The following NPEPPS variants were observed in gnomAD, a reference collection of about 807,000 sequenced individuals.
NPEPPS encodes the protein puromycin-sensitive aminopeptidase.
In NPEPPS, 14 loss-of-function variants were observed where a neutral mutation model predicts 115.5. The observed-to-expected ratio is 0.12, with a 90% confidence interval of 0.08 to 0.19. The LOEUF (loss-of-function observed/expected upper bound fraction) is 0.19. NPEPPS is among the 10% of genes least tolerant of loss of function. The probability of loss-of-function intolerance (pLI) is 1.00; values close to 1 mark genes in which losing one functional copy is unlikely to be tolerated. For synonymous variants in NPEPPS, 285 were observed against 390.6 expected (o/e 0.73, Z 3.19); for missense variants, 523 against 1,110.8 (o/e 0.47, Z 7.52).
At chr17:47,573,326 T>TA (rs1403408592) in intron 3 of NPEPPS, among the ~76,000 whole-genome samples, 1 of 152,176 alleles carries the variant, frequency 6.6e-6, no homozygotes, top group Non-Finnish European at 1.5e-5. Context: ...GTCCTAGACT[T>TA]ACCATTAGGA....
At chr17:47,571,719 AAAAAC>A (rs1271517118) in intron 3 of NPEPPS, among the ~76,000 whole-genome samples, 8 of 152,170 alleles carry the variant, frequency 5.3e-5, no homozygotes, top group African/African-American at 1.7e-4. Context: ...CTCCGTCCCA[AAAAAC>A]AAAACAAAAC....
At chr17:47,613,787 C>T (rs1420776006) in intron 19 of NPEPPS, 62 bp downstream of exon 19, 1 of 1,209,598 alleles carries the variant, frequency 8.3e-7, no homozygotes, top group African/African-American at 1.5e-5. Flanking sequence ...ACACAGTAAA[C>T]CTCTAAATGG....
chr17:47,606,300 T>C (rs1913512761), intron 17 of NPEPPS, among the ~76,000 whole-genome samples: 1 of 152,196 alleles, frequency 6.6e-6, no homozygotes. Context: ...CTCTTTTTGC[T>C]CTCATTTAAA....
intron 2 of NPEPPS, chr17:47,557,614 C>T (rs1910135963): frequency 6.7e-6 from 1 of 148,642 alleles, no homozygotes; most frequent in African/African-American, 2.4e-5. Flanking sequence ...AAATTTTAAT[C>T]CTAAAAATGT....
At chr17:47,603,876 A>T in intron 15 of NPEPPS, 39 bp from the exon 16 acceptor site, 2 of 1,551,164 alleles carry the variant, frequency 1.3e-6, no homozygotes, top group Non-Finnish European at 1.7e-6. Context: ...TAAAAAATTA[A>T]TGGAGCTGTT....
At chr17:47,588,748 G>C (rs1272427869) in intron 9 of NPEPPS, among the ~76,000 whole-genome samples, 6 of 152,008 alleles carry the variant, frequency 3.9e-5, no homozygotes, top group Non-Finnish European at 8.8e-5. Context: ...ATTTTAGTAG[G>C]GGAAATGTGT....
intron 6 of NPEPPS, 70 bp downstream of exon 6, chr17:47,585,770 A>C (rs1912141190): frequency 2.8e-6 from 3 of 1,087,270 alleles, no homozygotes; most frequent in Admixed American, 1.7e-5. Context: ...ATTTCTGGTC[A>C]ATTATTAGTA....
intron 17 of NPEPPS, among the ~76,000 whole-genome samples, chr17:47,610,240 A>T (rs1019139157): frequency 7.0e-6 from 1 of 143,178 alleles, no homozygotes; most frequent in Non-Finnish European, 1.5e-5. Context: ...CCACAAATTT[A>T]CTTTCTATTT....
chr17:47,558,344 G>C (rs1910198177), intron 2 of NPEPPS, among the ~76,000 whole-genome samples: 1 of 151,528 alleles, frequency 6.6e-6, no homozygotes, highest in South Asian at 2.1e-4. Flanking sequence ...GGCCAGGCTG[G>C]TCTTGAGCTC....
At chr17:47,568,791 G>C (rs1597847056) in intron 2 of NPEPPS, among the ~76,000 whole-genome samples, 2 of 152,086 alleles carry the variant, frequency 1.3e-5, no homozygotes, top group South Asian at 4.1e-4. Flanking sequence ...AAGTAGCTGA[G>C]ATTACAGGCA....
chr17:47,546,400 T>C (rs921757440), intron 2 of NPEPPS, among the ~76,000 whole-genome samples: 4 of 152,000 alleles, frequency 2.6e-5, no homozygotes, highest in Non-Finnish European at 5.9e-5. Context: ...CACTCCAGCC[T>C]GTGCGACAGA....
intron 17 of NPEPPS, among the ~76,000 whole-genome samples, chr17:47,606,659 T>G (rs978492414): frequency 6.6e-6 from 1 of 151,904 alleles, no homozygotes; most frequent in Non-Finnish European, 1.5e-5. Flanking sequence ...GCCAGGCTGG[T>G]CTTGAACTCT....
chr17:47,615,168 C>T (rs1214689474), intron 19 of NPEPPS, among the ~76,000 whole-genome samples: 2 of 150,394 alleles, frequency 1.3e-5, no homozygotes, highest in East Asian at 2.0e-4. Context: ...ACCTCTGCCT[C>T]CCGGGTTCAC....
At chr17:47,580,254 C>T (rs182458197) in intron 4 of NPEPPS, 1 of 152,028 alleles carries the variant, frequency 6.6e-6, no homozygotes, top group African/African-American at 2.4e-5. Context: ...TGTATCTTCT[C>T]TTTCAATAAT....
At chr17:47,582,928 T>A (rs1391036781) in intron 5 of NPEPPS, 79 bp downstream of exon 5, 1 of 593,938 alleles carries the variant, frequency 1.7e-6, no homozygotes, top group Non-Finnish European at 3.0e-6. Flanking sequence ...TGGGATAATA[T>A]GAAACCACCT....
intron 8 of NPEPPS, 149 bp from the exon 9 acceptor site, chr17:47,587,081 T>A: frequency 1.5e-6 from 1 of 656,040 alleles, no homozygotes; most frequent in Non-Finnish European, 2.5e-6. Context: ...TTAATCTTCG[T>A]GAAACTTTTT....
At chr17:47,617,000 T>C (rs1326232058) in intron 19 of NPEPPS, among the ~76,000 whole-genome samples, 9 of 152,146 alleles carry the variant, frequency 5.9e-5, no homozygotes, top group South Asian at 2.1e-4. Context: ...ATAGCTCTTA[T>C]ACATTTATAG....
chr17:47,592,686 G>A (rs2143877305), intron 12 of NPEPPS, 141 bp downstream of exon 12: 1 of 690,544 alleles, frequency 1.4e-6, no homozygotes, highest in Non-Finnish European at 2.3e-6. Flanking sequence ...GCTGTGTTCA[G>A]GTTGAATATC....
intron 17 of NPEPPS, among the ~76,000 whole-genome samples, chr17:47,606,136 CAA>C (rs1369448473): frequency 6.6e-6 from 1 of 152,122 alleles, no homozygotes; most frequent in East Asian, 1.9e-4. Context: ...CTCGGCCTCC[CAA>C]GTTTTATTTA....
Sources: allele counts gnomAD v4.1 joint callset (sites outside exome capture counted in the v4.1 genomes callset), GRCh38; gene constraint gnomAD v4.1.1; transcripts MANE v1.5; gene names NCBI Gene and HGNC (gene_info 2026-07-23, HGNC 2026-07-21).